Variants in ASCC3 observed in about 807,000 individuals in gnomAD.
ASCC3 encodes the protein activating signal cointegrator 1 complex subunit 3, also known as ASC-1 complex subunit P200.
Under a neutral mutation model 256.3 loss-of-function variants are expected in ASCC3, and 158 were observed. That is an observed-to-expected ratio of 0.62 (90% CI 0.54 to 0.70). ASCC3 has a LOEUF of 0.70. Among genes scored for constraint, ASCC3 ranks in the 30% least tolerant of loss-of-function variants. The pLI, the probability that ASCC3 is intolerant of heterozygous loss-of-function variation, is 0.00. For synonymous variants in ASCC3, 948 were observed against 883.4 expected (o/e 1.07, Z -1.30); for missense variants, 2,259 against 2,626.0 (o/e 0.86, Z 3.05).
chr6:100,634,448 A>G (rs765925066), intron 25 of ASCC3, among the ~76,000 whole-genome samples: 5 of 152,176 alleles, frequency 3.3e-5, no homozygotes, highest in African/African-American at 4.8e-5. Flanking sequence ...GCAGGCATCC[A>G]TCGGGGTTTT....
At chr6:100,705,906 T>C (rs6907240) in intron 13 of ASCC3, among the ~76,000 whole-genome samples, 68,815 of 151,678 alleles carry the variant, frequency 0.45, 15,832 homozygotes, top group South Asian at 0.6. Flanking sequence ...TCGTTGACCA[T>C]TGTTATTGGT....
intron 13 of ASCC3, among the ~76,000 whole-genome samples, chr6:100,696,377 T>A (rs933168612): frequency 6.6e-6 from 1 of 152,126 alleles, no homozygotes; most frequent in Admixed American, 6.6e-5. Flanking sequence ...TCAGATTTCG[T>A]TGGCACATAA....
chr6:100,655,146 C>T (rs1035873653), intron 17 of ASCC3, among the ~76,000 whole-genome samples: 2 of 151,974 alleles, frequency 1.3e-5, no homozygotes, highest in Non-Finnish European at 3.0e-5. Context: ...ATAAGCCACA[C>T]GGACCACACA....
rs1403606239 is a variant in ASCC3, at chr6:100,512,718, C to A, written c.6276G>T (p.Gly2092=). The A allele has an allele frequency of 6.2e-7, 1 of 1,614,042 alleles. No homozygotes were observed. Among genetic ancestry groups the A allele is most frequent in the East Asian group, 2.2e-5 (1 of 44,856 alleles). ...LQVSLQRVHF[G]FHKGKPESCA... ...AAACCAAACACTATACCTTGTGGAA[C>A]CCAAAGTGGACTCTCTGCAAGCTCA... Residue 2092 remains glycine (G), a synonymous_variant, in exon 40 of 42, where the codon GGG becomes GGT. Coordinates refer to ENST00000369162, the MANE Select transcript of ASCC3 (RefSeq NM_006828.4).
chr6:100,604,519 T>C (rs1438104998), intron 33 of ASCC3, among the ~76,000 whole-genome samples: 3 of 152,034 alleles, frequency 2.0e-5, no homozygotes, highest in African/African-American at 7.2e-5. Context: ...GCAGTGGTGT[T>C]ACAACACATG....
intron 13 of ASCC3, among the ~76,000 whole-genome samples, chr6:100,695,984 CT>C (rs1195326885): frequency 2.6e-5 from 4 of 152,100 alleles, no homozygotes; most frequent in African/African-American, 9.7e-5. Context: ...CAGTTTCAGA[CT>C]TATTTAACAG....
chr6:100,736,992 C>A (rs906290121), intron 10 of ASCC3, among the ~76,000 whole-genome samples: 3 of 152,028 alleles, frequency 2.0e-5, no homozygotes, highest in African/African-American at 7.2e-5. Flanking sequence ...TACTAAAATA[C>A]AAAAACTTAG....
chr6:100,863,938 A>C (rs1217064922), intron 3 of ASCC3, 126 bp downstream of exon 3: 1 of 922,874 alleles, frequency 1.1e-6, no homozygotes. Flanking sequence ...TGTCTTTCAT[A>C]ATTATGAATA....
chr6:100,671,312 G>A (rs1407030571), intron 14 of ASCC3, among the ~76,000 whole-genome samples: 2 of 151,840 alleles, frequency 1.3e-5, no homozygotes, highest in African/African-American at 4.8e-5. Flanking sequence ...TTTTCTACTC[G>A]GTTCTCCAAA....
chr6:100,624,381 T>C (rs967169466), intron 30 of ASCC3, among the ~76,000 whole-genome samples: 9 of 150,706 alleles, frequency 6.0e-5, no homozygotes, highest in Non-Finnish European at 5.9e-5. Flanking sequence ...AACTAGTAAA[T>C]ATATGAAAAA....
chr6:100,530,538 C>T, intron 37 of ASCC3: 1 of 783,598 alleles, frequency 1.3e-6, no homozygotes, highest in Non-Finnish European at 2.4e-6. Flanking sequence ...TGGTATATAG[C>T]AGTTCTGTGA....
chr6:100,619,594 G>GA (rs1309416405), intron 30 of ASCC3, among the ~76,000 whole-genome samples: 11 of 152,082 alleles, frequency 7.2e-5, no homozygotes, highest in Admixed American at 2.6e-4. Context: ...ACTGGTTGAA[G>GA]AAAAAATGTA....
intron 4 of ASCC3, among the ~76,000 whole-genome samples, chr6:100,813,104 A>C (rs915632986): frequency 1.3e-5 from 2 of 152,150 alleles, no homozygotes; most frequent in African/African-American, 4.8e-5. Context: ...TTTTGAAAAA[A>C]CAATAGTTTA....
chr6:100,786,033 T>A (rs1447151014), intron 8 of ASCC3, among the ~76,000 whole-genome samples: 3 of 152,108 alleles, frequency 2.0e-5, no homozygotes, highest in African/African-American at 7.2e-5. Flanking sequence ...AGGAGAGGTA[T>A]GATTTGAGCA....
intron 4 of ASCC3, among the ~76,000 whole-genome samples, chr6:100,841,537 T>C (rs2114486832): frequency 6.6e-6 from 1 of 152,256 alleles, no homozygotes; most frequent in African/African-American, 2.4e-5. Context: ...GTTCCTAAAT[T>C]GGCAAAGCAA....
intron 25 of ASCC3, among the ~76,000 whole-genome samples, chr6:100,632,182 TAAAAAAAAAA>T (rs35229827): frequency 9.8e-6 from 1 of 102,016 alleles, no homozygotes; most frequent in Non-Finnish European, 2.0e-5. Flanking sequence ...GCAAACTATC[TAAAAAAAAAA>T]AAAAAAAAAA....
intron 5 of ASCC3, among the ~76,000 whole-genome samples, chr6:100,800,901 C>T (rs1769883781): frequency 6.6e-6 from 1 of 151,668 alleles, no homozygotes; most frequent in Non-Finnish European, 1.5e-5. Flanking sequence ...TAAACTCTTT[C>T]CCTATTAGAC....
At chr6:100,649,610 G>A (rs1208576954) in intron 20 of ASCC3, among the ~76,000 whole-genome samples, 1 of 151,204 alleles carries the variant, frequency 6.6e-6, no homozygotes, top group Non-Finnish European at 1.5e-5. Flanking sequence ...ATGTTTAAAG[G>A]ACTCCTGAGT....
At chr6:100,528,141 C>T (rs1434462534) in intron 37 of ASCC3, among the ~76,000 whole-genome samples, 1 of 152,040 alleles carries the variant, frequency 6.6e-6, no homozygotes, top group African/African-American at 2.4e-5. Flanking sequence ...TTGGCCCATA[C>T]ATATCTTAAG....
Sources: allele counts gnomAD v4.1 joint callset (sites outside exome capture counted in the v4.1 genomes callset), GRCh38; gene constraint gnomAD v4.1.1; transcripts MANE v1.5; gene names NCBI Gene and HGNC (gene_info 2026-07-23, HGNC 2026-07-21).